The following PPIL4 variants were observed in gnomAD, a reference collection of about 807,000 sequenced individuals.
PPIL4 encodes peptidyl-prolyl cis-trans isomerase-like 4.
In PPIL4, 50 loss-of-function variants were observed where a neutral mutation model predicts 69.1. The observed-to-expected ratio is 0.72, with a 90% CI of 0.58 to 0.92. The LOEUF is 0.92. Ranked by LOEUF, PPIL4 falls within the 40% of genes least tolerant of loss-of-function variation. The pLI is 0.00. For missense variants in PPIL4, 480 were observed against 587.9 expected (o/e 0.82, Z 1.90); for synonymous variants, 193 against 191.6 (o/e 1.01, Z -0.06).
Position 149,531,258 on chromosome 6 carries a change from G to A in PPIL4, c.678+2200C>T, listed in dbSNP as rs1436176785. ...CAGGCGCCTGTAATCCCAGCTACTC[G>A]GGAGCCTGAGGCAGAAGAATCGCTT... On this transcript the variant is annotated intron_variant, in intron 7 of 12. Coordinates refer to ENST00000253329, the MANE Select transcript of PPIL4 (RefSeq NM_139126.4). 5.3e-5 allele frequency among the ~76,000 whole-genome samples: 8 copies of A among 151,626 alleles called. No individual in the cohort carries two copies. The East Asian group carries it at 1.6e-3, about 30-fold the overall frequency.
chr6:149,522,703 C>T (rs1476115096), intron 9 of PPIL4, among the ~76,000 whole-genome samples: 1 of 152,158 alleles, frequency 6.6e-6, no homozygotes, highest in Non-Finnish European at 1.5e-5. Flanking sequence ...ACCTCTGCCT[C>T]CCGAGTTCAA....
intron 9 of PPIL4, among the ~76,000 whole-genome samples, chr6:149,524,187 A>G (rs908300107): frequency 2.0e-5 from 3 of 150,292 alleles, no homozygotes; most frequent in African/African-American, 7.3e-5. Flanking sequence ...CCCAGCTATG[A>G]CATTCATTCA....
In PPIL4 at chr6:149,546,039, A is replaced by T. The variant is rs1037935943; in HGVS notation, c.-34T>A. 3 of 1,552,404 alleles carry T rather than the reference A, an allele frequency of 1.9e-6. No individual in the cohort carries two copies. In the African/African-American group the frequency reaches 4.1e-5, roughly 21 times the overall value. On this transcript the variant is annotated 5_prime_UTR_variant, in exon 1 of 13. Transcript: ENST00000253329. The stretch of plus-strand genomic sequence containing the variant: ...CTCCTCCTCCGCTACAAACCCCGGG[A>T]GGAGGGGGGTGACAGGCGCAGGCCG...
intron 7 of PPIL4, among the ~76,000 whole-genome samples, chr6:149,533,083 T>C (rs1179145027): frequency 2.0e-5 from 3 of 152,220 alleles, no homozygotes; most frequent in Non-Finnish European, 4.4e-5. Flanking sequence ...CCCATTATTT[T>C]GCCCTACAAC....
In PPIL4 at chr6:149,535,649, C is replaced by T. The variant is rs1777265297; in HGVS notation, c.411G>A (p.Lys137=). Reference sequence around the variant, plus strand: ...TGTCAACAAAGGTCTCATTAATTTTCTTAATTATGTCCATGCCTTCTGTCA... The same window carrying T: ...TGTCAACAAAGGTCTCATTAATTTTTTTAATTATGTCCATGCCTTCTGTCA... ...GEVTEGMDII[K]KINETFVDKD... is the part of the protein sequence containing the mutation. The change falls in exon 5 of 13, where the codon AAG becomes AAA. Residue 137 remains lysine (K), a synonymous_variant. Transcript: ENST00000253329. 1 of 1,612,308 alleles carries T rather than the reference C, an allele frequency of 6.2e-7. No individual in the cohort carries two copies. Among genetic ancestry groups the T allele is most frequent in the Admixed American group, 1.7e-5 (1 of 59,988 alleles).
intron 9 of PPIL4, among the ~76,000 whole-genome samples, chr6:149,524,887 T>G (rs1293796289): frequency 6.6e-6 from 1 of 151,042 alleles, no homozygotes; most frequent in African/African-American, 2.4e-5. Context: ...GGCAACAGAG[T>G]GAGACCCTGT....
intron 7 of PPIL4, among the ~76,000 whole-genome samples, chr6:149,532,956 A>C (rs2115037188): frequency 6.6e-6 from 1 of 152,324 alleles, no homozygotes; most frequent in South Asian, 2.1e-4. Context: ...CAAAAATAAG[A>C]AATGGAAAAT....
At chr6:149,531,764 G>T (rs1041550957) in intron 7 of PPIL4, among the ~76,000 whole-genome samples, 20 of 152,180 alleles carry the variant, frequency 1.3e-4, no homozygotes, top group African/African-American at 4.6e-4. Flanking sequence ...TCGCCTGCTG[G>T]GTTCAAGCGA....
intron 12 of PPIL4, 81 bp from the exon 13 acceptor site, chr6:149,505,785 A>G: frequency 7.4e-7 from 1 of 1,346,264 alleles, no homozygotes; most frequent in Non-Finnish European, 1.0e-6. Flanking sequence ...AACTTAGAAA[A>G]GTCTACCATT....
intron 1 of PPIL4, among the ~76,000 whole-genome samples, chr6:149,543,686 T>C (rs780709812): frequency 6.6e-6 from 1 of 152,128 alleles, no homozygotes; most frequent in Non-Finnish European, 1.5e-5. Context: ...CTTAAGCTCA[T>C]AGTTCCATTT....
chr6:149,521,303 T>C, intron 9 of PPIL4, 132 bp from the exon 10 acceptor site: 1 of 625,312 alleles, frequency 1.6e-6, no homozygotes, highest in Non-Finnish European at 2.8e-6. Flanking sequence ...CCGATGCTGT[T>C]AAATGCTTTG....
intron 1 of PPIL4, 55 bp downstream of exon 1, chr6:149,545,881 G>C (rs1777432892): frequency 5.4e-6 from 8 of 1,491,854 alleles, no homozygotes; most frequent in Non-Finnish European, 6.4e-6. Context: ...AGAAGGGAAA[G>C]TAGGGAGACA....
chr6:149,520,621 TAGC>T (rs1254525435), intron 10 of PPIL4, among the ~76,000 whole-genome samples: 2 of 152,020 alleles, frequency 1.3e-5, no homozygotes, highest in African/African-American at 4.8e-5. Context: ...AGATTCTAGA[TAGC>T]AGGTTTGTAA....
chr6:149,537,569 T>C (rs983019113), intron 4 of PPIL4, among the ~76,000 whole-genome samples: 19 of 151,838 alleles, frequency 1.3e-4, no homozygotes, highest in African/African-American at 4.3e-4. Flanking sequence ...TAGCCGGGCG[T>C]GGTGGCAGGC....
intron 12 of PPIL4, 69 bp from the exon 13 acceptor site, chr6:149,505,773 A>T: frequency 2.1e-6 from 3 of 1,450,368 alleles, no homozygotes; most frequent in Non-Finnish European, 2.8e-6. Context: ...TTCAATTAAT[A>T]AAACTTAGAA....
At chr6:149,544,975 A>G (rs1389591916) in intron 1 of PPIL4, among the ~76,000 whole-genome samples, 1 of 152,172 alleles carries the variant, frequency 6.6e-6, no homozygotes, top group Non-Finnish European at 1.5e-5. Flanking sequence ...CATTCTCCAC[A>G]CCGCTGCCTA....
intron 7 of PPIL4, among the ~76,000 whole-genome samples, chr6:149,530,972 T>TGAC (rs1031873595): frequency 1.3e-5 from 2 of 152,226 alleles, no homozygotes; most frequent in Non-Finnish European, 2.9e-5. Context: ...CCTCCAGATG[T>TGAC]GACCTCTGAG....
At chr6:149,544,594 GAC>G (rs1414598829) in intron 1 of PPIL4, among the ~76,000 whole-genome samples, 3 of 152,188 alleles carry the variant, frequency 2.0e-5, no homozygotes, top group Admixed American at 1.3e-4. Flanking sequence ...AAAGACCTAA[GAC>G]ACAGCAGAGG....
chr6:149,520,555 G>A (rs969595760), intron 10 of PPIL4, among the ~76,000 whole-genome samples: 4 of 148,352 alleles, frequency 2.7e-5, no homozygotes, highest in South Asian at 4.3e-4. Context: ...TAAAATACAC[G>A]CACAGGTGCA....
Sources: allele counts gnomAD v4.1 joint callset (sites outside exome capture counted in the v4.1 genomes callset), GRCh38; gene constraint gnomAD v4.1.1; transcripts MANE v1.5; gene names NCBI Gene and HGNC (gene_info 2026-07-23, HGNC 2026-07-21).